Variants in SLC8A1 observed in about 807,000 individuals in gnomAD.
SLC8A1 encodes the protein sodium/calcium exchanger 1.
SLC8A1 carries 18 observed loss-of-function variants against 68.3 expected under a neutral mutation model. That is an observed-to-expected ratio of 0.26 (90% CI 0.18 to 0.39). The LOEUF (loss-of-function observed/expected upper bound fraction) is 0.39. Ranked by LOEUF, SLC8A1 falls within the 10% of genes least tolerant of loss-of-function variation. The pLI, the probability that SLC8A1 is intolerant of heterozygous loss-of-function variation, is 1.00. For synonymous variants in SLC8A1, 475 were observed against 415.5 expected (o/e 1.14, Z -1.74); for missense variants, 985 against 1,156.7 (o/e 0.85, Z 2.15).
rs139567342 is a variant in SLC8A1, at chr2:40,437,808, G to A, written c.-24-7504C>T. ...ATTCGTTTATGGTTTTATCTGCCAAGCTTTTCTTAGCCACTCATATATGCC... is the reference window on the plus strand; with the variant it reads ...ATTCGTTTATGGTTTTATCTGCCAAACTTTTCTTAGCCACTCATATATGCC... On this transcript the variant is annotated intron_variant, in intron 1 of 7. Transcript: ENST00000406785. 5.8e-4 allele frequency among the ~76,000 whole-genome samples: 88 copies of A among 152,130 alleles called. 2 individuals are homozygous for A. The East Asian group carries it at 0.012, about 21-fold the overall frequency.
At chr2:40,396,633 C>A (rs1415303985) in intron 2 of SLC8A1, among the ~76,000 whole-genome samples, 1 of 150,794 alleles carries the variant, frequency 6.6e-6, no homozygotes, top group East Asian at 2.0e-4. Context: ...CTTATTAATT[C>A]ATTAAATATT....
chr2:40,505,194 C>T (rs1706293352), intron 1 of SLC8A1, among the ~76,000 whole-genome samples: 2 of 151,782 alleles, frequency 1.3e-5, no homozygotes, highest in South Asian at 4.1e-4. Context: ...TTACCAGAGG[C>T]TGGCAAGGGT....
At chr2:40,333,117 A>C (rs114854040) in intron 2 of SLC8A1, among the ~76,000 whole-genome samples, 1,690 of 152,308 alleles carry the variant, frequency 0.011, 34 homozygotes, top group African/African-American at 0.039. Context: ...AAAATCTCTT[A>C]ACGAAAATAC....
At chr2:40,197,209 C>T (rs373411718) in intron 2 of SLC8A1, among the ~76,000 whole-genome samples, 17 of 152,088 alleles carry the variant, frequency 1.1e-4, no homozygotes, top group African/African-American at 4.1e-4. Context: ...GAGTGCATTT[C>T]GATAGTGATA....
chr2:40,433,819 G>C (rs1698860638), intron 1 of SLC8A1, among the ~76,000 whole-genome samples: 1 of 152,142 alleles, frequency 6.6e-6, no homozygotes, highest in African/African-American at 2.4e-5. Context: ...GGGTTGGCTT[G>C]GACTAGCCCG....
At chr2:40,297,387 A>C (rs138828410) in intron 2 of SLC8A1, among the ~76,000 whole-genome samples, 238 of 152,310 alleles carry the variant, frequency 1.6e-3, no homozygotes, top group African/African-American at 5.6e-3. Context: ...AATCTGAAAC[A>C]AAAATGTACT....
intron 1 of SLC8A1, among the ~76,000 whole-genome samples, chr2:40,432,359 G>C (rs989457572): frequency 6.7e-6 from 1 of 149,736 alleles, no homozygotes; most frequent in Non-Finnish European, 1.5e-5. Flanking sequence ...TATGGTACAT[G>C]TGTGTGCAGA....
intron 1 of SLC8A1, among the ~76,000 whole-genome samples, chr2:40,436,647 T>C (rs762581726): frequency 6.6e-6 from 1 of 152,070 alleles, no homozygotes; most frequent in Non-Finnish European, 1.5e-5. Context: ...ATCCTTCCAA[T>C]ACAATTAAAA....
chr2:40,490,172 A>G (rs530204391), intron 1 of SLC8A1, among the ~76,000 whole-genome samples: 33 of 152,232 alleles, frequency 2.2e-4, no homozygotes, highest in African/African-American at 6.3e-4. Flanking sequence ...CTAAACATCA[A>G]TCATTTGGAA....
rs368483768 is a variant in SLC8A1, at chr2:40,396,748, T to TAAAAAAAAAAAAAAA, written c.1808+31710_1808+31724dup. ...TTTAACCTCCATCATCTCTAATAACTAAAAAAAAAAAAAAAAAAAAAAAAA... is the reference window on the plus strand; with the variant it reads ...TTTAACCTCCATCATCTCTAATAACTAAAAAAAAAAAAAAAAAAAAAAAAAAAAAAAAAAAAAAAA... On this transcript the variant is annotated intron_variant, in intron 2 of 7. Transcript: ENST00000406785. Among the ~76,000 whole-genome samples, 23 of 87,070 alleles carry TAAAAAAAAAAAAAAA rather than the reference T, an allele frequency of 2.6e-4. 1 individual carries two copies. Among genetic ancestry groups the TAAAAAAAAAAAAAAA allele is most frequent in the African/African-American group, 6.8e-4 (11 of 16,124 alleles). 57.1% of individuals were successfully genotyped at this position (87,070 alleles called of 152,430 possible).
At chr2:40,464,702 T>C (rs759943800) in intron 1 of SLC8A1, among the ~76,000 whole-genome samples, 8 of 152,086 alleles carry the variant, frequency 5.3e-5, no homozygotes, top group African/African-American at 1.2e-4. Flanking sequence ...GGGCATGACA[T>C]TGGAACTGCA....
At chr2:40,228,902 A>C (rs1242789434) in intron 2 of SLC8A1, among the ~76,000 whole-genome samples, 1 of 152,174 alleles carries the variant, frequency 6.6e-6, no homozygotes, top group African/African-American at 2.4e-5. Flanking sequence ...TTCACTTTAC[A>C]GTTCCTTTTG....
At chr2:40,340,051 T>C (rs1474852863) in intron 2 of SLC8A1, among the ~76,000 whole-genome samples, 28 of 152,170 alleles carry the variant, frequency 1.8e-4, no homozygotes, top group Admixed American at 1.8e-3. Flanking sequence ...AATGTTCATA[T>C]GCAAAAAAAC....
At chr2:40,109,601 G>A (rs1370829211) in exon 8 of SLC8A1, 1 of 152,110 alleles carries the variant, frequency 6.6e-6, no homozygotes, top group African/African-American at 2.4e-5. Flanking sequence ...CATGTCTTGA[G>A]CAATCACTTT....
Position 40,232,825 on chromosome 2 carries a change from A to G in SLC8A1, c.1809-54970T>C, listed in dbSNP as rs1211442383. Among the ~76,000 whole-genome samples, 30 of 129,144 alleles carry G rather than the reference A, an allele frequency of 2.3e-4. 1 individual carries two copies. In the Admixed American group the frequency reaches 2.7e-3, roughly 12 times the overall value. The allele number at this position is 129,144 out of a possible 152,430, so 84.7% of individuals were successfully genotyped here. A position where few individuals can be genotyped will look rare whatever the true frequency, so the allele number is the denominator to read the frequency against. ...CATGTGATCTCATTGTTCAATTCCCACCTATGAGTGAGAATATGCGGTGTT... is the reference window on the plus strand; with the variant it reads ...CATGTGATCTCATTGTTCAATTCCCGCCTATGAGTGAGAATATGCGGTGTT... On this transcript the variant is annotated intron_variant, in intron 2 of 7. Transcript: ENST00000406785.
intron 4 of SLC8A1, among the ~76,000 whole-genome samples, chr2:40,165,760 T>G (rs2046444654): frequency 6.6e-6 from 1 of 152,040 alleles, no homozygotes; most frequent in Non-Finnish European, 1.5e-5. Flanking sequence ...CGGTGGGTGC[T>G]GAGGAAATGT....
intron 7 of SLC8A1, chr2:40,116,685 C>G (rs910837929): frequency 2.0e-5 from 3 of 152,234 alleles, no homozygotes; most frequent in African/African-American, 4.8e-5. Context: ...GTTAGGGCTA[C>G]AGCTCCTGCC....
rs553862580 is a variant in SLC8A1 at position 40,353,792 on chromosome 2, C to A, written c.1808+74681G>T. On this transcript the variant is annotated intron_variant, in intron 2 of 7. Coordinates refer to ENST00000406785, the Ensembl canonical transcript of SLC8A1. ...TTTCCCAATCCATCCACAATGGCAG[C>A]GAAGCGCTCTACCATCCTTCTACCT... is the stretch of plus-strand genomic sequence containing the variant. 2.0e-5 allele frequency among the ~76,000 whole-genome samples: 3 copies of A among 152,176 alleles called. No homozygotes were observed. In the South Asian group the frequency reaches 6.2e-4, roughly 31 times the overall value.
At chr2:40,406,980 G>C (rs898896017) in intron 2 of SLC8A1, among the ~76,000 whole-genome samples, 3 of 152,086 alleles carry the variant, frequency 2.0e-5, no homozygotes, top group Non-Finnish European at 4.4e-5. Context: ...ACAATGCAAA[G>C]AGTGGACTGA....
Sources: gnomAD v4.1 joint callset for allele counts (sites outside exome capture counted in the v4.1 genomes callset) on GRCh38, gnomAD v4.1.1 for gene constraint, MANE v1.5 for transcripts, NCBI Gene and HGNC (gene_info 2026-07-23, HGNC 2026-07-21) for gene names.